The following LINGO2 variants were observed in gnomAD, a reference collection of about 807,000 sequenced individuals.
The protein encoded by LINGO2 is leucine-rich repeat and immunoglobulin-like domain-containing nogo receptor-interacting protein 2.
Under a neutral mutation model 30.6 loss-of-function variants are expected in LINGO2, and 14 were observed. The ratio of observed to expected loss-of-function variants is 0.46; its 90% CI spans 0.30 to 0.72. LINGO2 has a LOEUF of 0.72. Among genes scored for constraint, LINGO2 ranks in the 30% least tolerant of loss-of-function variants. LINGO2 has a pLI of 0.07. For synonymous variants in LINGO2, 317 were observed against 288.5 expected, an observed-to-expected ratio of 1.10 and a Z score of -1.00; for missense variants, 729 against 751.7, an observed-to-expected ratio of 0.97 and a Z score of 0.35.
intron 2 of LINGO2, among the ~76,000 whole-genome samples, chr9:28,393,952 A>G (rs1358309317): frequency 1.3e-5 from 2 of 152,190 alleles, no homozygotes; most frequent in African/African-American, 4.8e-5. Flanking sequence ...GCAGGATTCA[A>G]TCTCAGTTAC....
chr9:28,953,821 C>A, the LINGO2 span, among the ~76,000 whole-genome samples: 2 of 151,892 alleles, frequency 1.3e-5, no homozygotes, highest in African/African-American at 2.4e-5. Flanking sequence ...AATCTAAAAC[C>A]AAATCAAATA....
At chr9:28,453,507 T>C (rs1303690854) in intron 2 of LINGO2, among the ~76,000 whole-genome samples, 2 of 151,974 alleles carry the variant, frequency 1.3e-5, no homozygotes, top group African/African-American at 4.8e-5. Flanking sequence ...GATACATTTT[T>C]AAGGTAAGAC....
chr9:28,575,370 G>A (rs1406697715), intron 1 of LINGO2, among the ~76,000 whole-genome samples: 1 of 148,230 alleles, frequency 6.7e-6, no homozygotes, highest in Admixed American at 6.8e-5. Flanking sequence ...CTGCACTCCA[G>A]CCCGGGTGAC....
the LINGO2 span, among the ~76,000 whole-genome samples, chr9:28,684,867 A>G: frequency 6.6e-6 from 1 of 152,064 alleles, no homozygotes. Context: ...GTACATGTGC[A>G]CGTTTGTTAT....
At chr9:28,203,262 C>T (rs1820298607) in intron 4 of LINGO2, among the ~76,000 whole-genome samples, 1 of 152,096 alleles carries the variant, frequency 6.6e-6, no homozygotes, top group Non-Finnish European at 1.5e-5. Context: ...CTTGAGAGTA[C>T]TTTTATGTCA....
At chr9:28,403,597 T>C (rs1822363594) in intron 2 of LINGO2, among the ~76,000 whole-genome samples, 1 of 152,110 alleles carries the variant, frequency 6.6e-6, no homozygotes, top group Admixed American at 6.6e-5. Context: ...TACCCTGTTC[T>C]CAAAGAATGA....
At chr9:28,110,148 A>G (rs1015573795) in intron 4 of LINGO2, among the ~76,000 whole-genome samples, 1 of 151,906 alleles carries the variant, frequency 6.6e-6, no homozygotes, top group Non-Finnish European at 1.5e-5. Context: ...ATGGGGAAAA[A>G]TTTCCCTATT....
intron 4 of LINGO2, among the ~76,000 whole-genome samples, chr9:28,253,342 C>A (rs190627836): frequency 6.6e-6 from 1 of 152,196 alleles, no homozygotes; most frequent in East Asian, 1.9e-4. Flanking sequence ...CACAATGAGA[C>A]CTCACAAAAG....
intron 1 of LINGO2, among the ~76,000 whole-genome samples, chr9:28,606,187 A>G (rs1333190368): frequency 2.6e-5 from 4 of 152,170 alleles, no homozygotes; most frequent in African/African-American, 9.6e-5. Context: ...CAACATAAAT[A>G]GGGACCATCT....
chr9:28,065,954 G>A (rs1355761743), intron 4 of LINGO2, among the ~76,000 whole-genome samples: 1 of 151,998 alleles, frequency 6.6e-6, no homozygotes, highest in Non-Finnish European at 1.5e-5. Context: ...ATACACACAT[G>A]CATATAATGT....
chr9:28,161,943 A>G (rs1398190996), intron 4 of LINGO2, among the ~76,000 whole-genome samples: 1 of 152,202 alleles, frequency 6.6e-6, no homozygotes, highest in Non-Finnish European at 1.5e-5. Flanking sequence ...CTGTCCTTAA[A>G]ATATTTCATT....
intron 1 of LINGO2, among the ~76,000 whole-genome samples, chr9:28,584,017 A>C (rs1180415460): frequency 6.6e-6 from 1 of 151,936 alleles, no homozygotes; most frequent in African/African-American, 2.4e-5. Flanking sequence ...TGTGCCTTCC[A>C]CCAGGGGATG....
intron 3 of LINGO2, among the ~76,000 whole-genome samples, chr9:28,352,109 C>G (rs1819924852): frequency 6.7e-6 from 1 of 150,040 alleles, no homozygotes; most frequent in South Asian, 2.1e-4. Flanking sequence ...GATGCCCTCT[C>G]TCACCACTCC....
chr9:28,893,034 T>A, the LINGO2 span, among the ~76,000 whole-genome samples: 6 of 151,990 alleles, frequency 3.9e-5, no homozygotes, highest in African/African-American at 1.4e-4. Context: ...AATTAAAAAT[T>A]TATACATGCT....
chr9:28,146,300 AG>A (rs1325176665), intron 4 of LINGO2, among the ~76,000 whole-genome samples: 2 of 152,238 alleles, frequency 1.3e-5, no homozygotes, highest in Non-Finnish European at 2.9e-5. Flanking sequence ...TGTCAGAACT[AG>A]GAAGGAGAAG....
chr9:28,783,613 G>A, the LINGO2 span, among the ~76,000 whole-genome samples: 1 of 151,840 alleles, frequency 6.6e-6, no homozygotes, highest in African/African-American at 2.4e-5. Flanking sequence ...AGAGGGGAGG[G>A]GTTAGCAAAA....
At chr9:28,980,326 T>G in the LINGO2 span, among the ~76,000 whole-genome samples, 2 of 152,114 alleles carry the variant, frequency 1.3e-5, no homozygotes, top group Admixed American at 6.6e-5. Flanking sequence ...TAATCCATTT[T>G]CAATAGTAGC....
intron 1 of LINGO2, among the ~76,000 whole-genome samples, chr9:28,630,026 G>A (rs1344989899): frequency 6.8e-6 from 1 of 147,488 alleles, no homozygotes; most frequent in African/African-American, 2.5e-5. Context: ...TGCGGTGTTT[G>A]GTTTTTGTTC....
intron 3 of LINGO2, among the ~76,000 whole-genome samples, chr9:28,315,624 G>A (rs1035234133): frequency 2.6e-5 from 4 of 152,122 alleles, no homozygotes; most frequent in Admixed American, 1.3e-4. Context: ...CTGGTTAAGT[G>A]AAAGAGATCT....
Sources: gnomAD v4.1 joint callset for allele counts (sites outside exome capture counted in the v4.1 genomes callset) on GRCh38, gnomAD v4.1.1 for gene constraint, MANE v1.5 for transcripts, NCBI Gene and HGNC (gene_info 2026-07-23, HGNC 2026-07-21) for gene names.